Variants in COL5A3 observed in about 807,000 individuals in gnomAD.
COL5A3 encodes the protein collagen alpha-3(V) chain.
COL5A3 carries 172 observed loss-of-function variants against 250.0 expected under a neutral mutation model. That is an observed-to-expected ratio of 0.69 (90% CI 0.61 to 0.78). COL5A3 has a LOEUF of 0.78. Ranked by LOEUF, COL5A3 falls within the 30% of genes least tolerant of loss-of-function variation. The pLI, the probability that COL5A3 is intolerant of heterozygous loss-of-function variation, is 0.00. For synonymous variants in COL5A3, 937 were observed against 900.4 expected (o/e 1.04, Z -0.73); for missense variants, 2,340 against 2,334.4 (o/e 1.00, Z -0.05).
At chr19:9,980,930 C>T (rs1413179026) in intron 33 of COL5A3, 71 bp from the exon 34 acceptor site, 21 of 1,538,560 alleles carry the variant, frequency 1.4e-5, no homozygotes, top group Non-Finnish European at 2.7e-6. Context: ...ACCAAGTCTT[C>T]CAGGTCCCCT....
At chr19:9,990,709 C>T (rs959514046) in intron 24 of COL5A3, among the ~76,000 whole-genome samples, 43 of 151,978 alleles carry the variant, frequency 2.8e-4, no homozygotes, top group Middle Eastern at 3.4e-3. Flanking sequence ...ACTACAGGCG[C>T]GCGCCACCAC....
intron 66 of COL5A3, 22 bp downstream of exon 66, chr19:9,960,629 G>C: frequency 6.2e-7 from 1 of 1,613,642 alleles, no homozygotes. Context: ...CTCTCTAGCT[G>C]GCCACTGCCC....
intron 15 of COL5A3, 61 bp downstream of exon 15, chr19:9,996,005 T>C (rs367912113): frequency 3.6e-5 from 52 of 1,432,460 alleles, no homozygotes; most frequent in Non-Finnish European, 4.5e-5. Flanking sequence ...CAGCACTGTA[T>C]CTTGTGGTCC....
In COL5A3 at chr19:10,001,587, G is replaced by A. The variant is rs1043170797; in HGVS notation, c.1047C>T (p.Ser349=). The A allele has an allele frequency of 6.2e-7, 1 of 1,614,108 alleles. No individual in the cohort carries two copies. The highest frequency in any genetic ancestry group is 8.5e-7 in the Non-Finnish European group (1 of 1,180,004). ...AAREDEEGDD[S]TMGPDFRAAE... ...CTGCCCGGAAGTCAGGGCCCATGGT[G>A]GAATCATCTCCTTCTTCATCCTCCC... Residue 349 remains serine (S), a synonymous_variant, in exon 8 of 67, where the codon TCC becomes TCT. Transcript: ENST00000264828.
In COL5A3 at chr19:9,978,444, G is replaced by A. The variant is rs548273453; in HGVS notation, c.3018+130C>T. On this transcript the variant is annotated intron_variant, in intron 41 of 66. Coordinates refer to ENST00000264828, the MANE Select transcript of COL5A3 (RefSeq NM_015719.4). The stretch of plus-strand genomic sequence containing the variant: ...CCACCATGTTGGCCAGGCTGATCTT[G>A]AACTCCTGACCTCAAGTGATCTGCC... The A allele has an allele frequency of 4.2e-5, 28 of 669,218 alleles. No homozygotes were observed. The South Asian group carries it at 4.3e-4, about 10-fold the overall frequency. The allele number at this position is 669,218 out of a possible 1,614,324, so 41.5% of individuals were successfully genotyped here.
chr19:10,005,044 C>A (rs2087421968), intron 4 of COL5A3, among the ~76,000 whole-genome samples: 1 of 151,646 alleles, frequency 6.6e-6, no homozygotes, highest in Non-Finnish European at 1.5e-5. Context: ...CCACAACAAG[C>A]CAAGTAGGCA....
intron 31 of COL5A3, among the ~76,000 whole-genome samples, chr19:9,982,357 C>T (rs181179475): frequency 0.042 from 6,405 of 152,180 alleles, 163 homozygotes; most frequent in African/African-American, 0.072. Context: ...ATGCTTGTCT[C>T]CTAGGCCTCC....
chr19:9,994,308 A>G (rs1168494380), intron 16 of COL5A3, among the ~76,000 whole-genome samples: 2 of 151,182 alleles, frequency 1.3e-5, no homozygotes, highest in East Asian at 3.9e-4. Context: ...CCTCCCAAGT[A>G]GCTGGGACTA....
At chr19:9,984,826 T>C (rs923206299) in intron 31 of COL5A3, among the ~76,000 whole-genome samples, 1 of 152,012 alleles carries the variant, frequency 6.6e-6, no homozygotes, top group African/African-American at 2.4e-5. Context: ...AGTCCCCCTC[T>C]GTCACCCACG....
intron 21 of COL5A3, 116 bp from the exon 22 acceptor site, chr19:9,992,164 T>G: frequency 1.2e-6 from 1 of 859,910 alleles, no homozygotes; most frequent in Non-Finnish European, 1.9e-6. Context: ...GGCTCATGCT[T>G]GTAATCCCAG....
In COL5A3 at chr19:9,993,407, G is replaced by A. The variant is rs565950498; in HGVS notation, c.1722C>T (p.Pro574=). The change falls in exon 19 of 67, where the codon CCC becomes CCT. Residue 574 remains proline, a synonymous_variant. Transcript: ENST00000264828. ...TCTCACCATCCTCTCCTGGGGGACC[G>A]GGTTGCCCCACATGGCCAAAGTCAC... ...QRGDFGHVGQ[P]GPPGEDGERG... is the part of the protein sequence containing the mutation. 3.3e-5 allele frequency: 54 copies of A among 1,614,124 alleles called. No homozygotes were observed. Among genetic ancestry groups the A allele is most frequent in the East Asian group, 1.1e-4 (5 of 44,886 alleles).
rs1196065459 is a variant in COL5A3, at chr19:9,997,150, AGAGACAG to A, written c.1263+214_1263+220del. 8.3e-6 allele frequency: 5 copies of A among 599,898 alleles called. No homozygotes were observed. In the East Asian group the frequency reaches 1.4e-4, roughly 17 times the overall value. The allele number at this position is 599,898 out of a possible 1,614,324, so 37.2% of individuals were successfully genotyped here. ...ACAGAGATAAAAGACACTCAGAAAC[AGAGACAG>A]GCAAAAGAAGAAAAGCAAAGAGTAG... is the stretch of plus-strand genomic sequence containing the variant. On this transcript the variant is annotated intron_variant, in intron 11 of 66. Coordinates refer to ENST00000264828, the MANE Select transcript of COL5A3 (RefSeq NM_015719.4).
intron 37 of COL5A3, 131 bp downstream of exon 37, chr19:9,979,708 C>T: frequency 1.1e-6 from 1 of 899,090 alleles, no homozygotes; most frequent in South Asian, 1.7e-5. Flanking sequence ...ATTGCTTGAA[C>T]CTGGGAGGCA....
chr19:9,990,856 C>A (rs753980675), intron 24 of COL5A3, among the ~76,000 whole-genome samples: 1 of 152,170 alleles, frequency 6.6e-6, no homozygotes, highest in Non-Finnish European at 1.5e-5. Flanking sequence ...AACCACCGCA[C>A]CTGACCAATA....
At chr19:9,961,234 A>G (rs16996952) in intron 65 of COL5A3, among the ~76,000 whole-genome samples, 8,447 of 152,136 alleles carry the variant, frequency 0.056, 473 homozygotes, top group East Asian at 0.13. Flanking sequence ...TACAGAGCTC[A>G]CTGTCCCTGA....
chr19:9,980,512 C>T (rs2086992980), intron 35 of COL5A3, 136 bp downstream of exon 35: 13 of 1,297,126 alleles, frequency 1.0e-5, no homozygotes, highest in Non-Finnish European at 1.3e-5. Flanking sequence ...CAGGCGTGCA[C>T]CACCACACCC....
chr19:9,961,602 A>C (rs2086673134), intron 65 of COL5A3, among the ~76,000 whole-genome samples: 1 of 138,596 alleles, frequency 7.2e-6, no homozygotes, highest in Non-Finnish European at 1.5e-5. Flanking sequence ...TCTGTCGCCC[A>C]GGCTGGAGTG....
chr19:9,973,003 T>G lies in COL5A3; in HGVS notation c.3690A>C (p.Glu1230Asp). Residue 1230 changes from glutamate (E) to aspartate (D), a missense_variant, in exon 51 of 67, where the codon GAA (glutamate) becomes GAC (aspartate). Physicochemically the swap from Glu to Asp is conservative, Grantham distance 45 (BLOSUM62 2). Coordinates refer to ENST00000264828, the MANE Select transcript of COL5A3 (RefSeq NM_015719.4). Reference protein sequence around the residue: ...GIPGPKGDIGEKGDSGPSGAA... With the variant: ...GIPGPKGDIGDKGDSGPSGAA... ...CTCCAGATGGGCCTGAGTCCCCCTT[T>G]TCACCAATGTCTCCCTTGGGCCCCT... The G allele has an allele frequency of 6.2e-7, 1 of 1,610,088 alleles. No homozygotes were observed. The highest frequency in any genetic ancestry group is 1.3e-5 in the African/African-American group (1 of 74,980).
At position 9,986,396 on chromosome 19, in the gene COL5A3, C is replaced by G; in HGVS notation, c.2271G>C (p.Arg757=). Residue 757 remains arginine, a synonymous_variant, in exon 30 of 67, where the codon CGG becomes CGC. Transcript: ENST00000264828. ...TCGGCCCCTCAGGACCATCCTCTCCCCGGGGACCTGGAGCTCCGGGTTTCC... is the reference window on the plus strand; with the variant it reads ...TCGGCCCCTCAGGACCATCCTCTCCGCGGGGACCTGGAGCTCCGGGTTTCC... The part of the protein sequence containing the change: ...DQGKPGAPGP[R]GEDGPEGPKG... 1 of 1,612,122 alleles carries G rather than the reference C, an allele frequency of 6.2e-7. No individual in the cohort carries two copies.
Sources: allele counts gnomAD v4.1 joint callset (sites outside exome capture counted in the v4.1 genomes callset), GRCh38; gene constraint gnomAD v4.1.1; transcripts MANE v1.5; gene names NCBI Gene and HGNC (gene_info 2026-07-23, HGNC 2026-07-21).